WDR19: variants seen among roughly 807,000 people sequenced by gnomAD.
WDR19 encodes the protein WD repeat-containing protein 19.
WDR19 carries 121 observed loss-of-function variants against 180.0 expected under a neutral mutation model. The ratio of observed to expected loss-of-function variants is 0.67; its 90% CI spans 0.58 to 0.78. WDR19 has a LOEUF of 0.78. Among genes scored for constraint, WDR19 ranks in the 30% least tolerant of loss-of-function variants. The probability of loss-of-function intolerance (pLI) is 0.00; values close to 1 mark genes in which losing one functional copy is unlikely to be tolerated. For synonymous variants in WDR19, 497 were observed against 540.7 expected (o/e 0.92, Z 1.12); for missense variants, 1,450 against 1,640.7 (o/e 0.88, Z 2.01).
At chr4:39,197,546 T>C (rs1726892498) in intron 5 of WDR19, among the ~76,000 whole-genome samples, 2 of 152,122 alleles carry the variant, frequency 1.3e-5, no homozygotes, top group African/African-American at 4.8e-5. Context: ...CCAGAATCTA[T>C]ACACTTAACT....
intron 3 of WDR19, among the ~76,000 whole-genome samples, chr4:39,189,424 T>C (rs571804968): frequency 6.6e-6 from 1 of 152,308 alleles, no homozygotes; most frequent in South Asian, 2.1e-4. Context: ...TTTAATGTAG[T>C]ATATGAAAAT....
intron 32 of WDR19, chr4:39,273,821 C>T (rs571609421): frequency 6.6e-6 from 1 of 152,294 alleles, no homozygotes; most frequent in African/African-American, 2.4e-5. Flanking sequence ...CACGGTAGGA[C>T]GTTGCCTCTG....
At chr4:39,215,701 C>T in intron 10 of WDR19, 140 bp from the exon 11 acceptor site, 1 of 830,648 alleles carries the variant, frequency 1.2e-6, no homozygotes, top group African/African-American at 1.8e-5. Flanking sequence ...ATTTCCTAGT[C>T]TAAAAAAAAA....
intron 24 of WDR19, among the ~76,000 whole-genome samples, chr4:39,251,287 G>T (rs2109430332): frequency 6.6e-6 from 1 of 152,292 alleles, no homozygotes; most frequent in African/African-American, 2.4e-5. Context: ...AAATGGTGCT[G>T]GGAAAACTGG....
chr4:39,225,801 T>C lies in WDR19; in HGVS notation c.1629+768T>C, dbSNP rs537649148. 5.9e-5 allele frequency among the ~76,000 whole-genome samples: 9 copies of C among 152,116 alleles called. No homozygotes were observed. The East Asian group carries it at 1.5e-3, about 26-fold the overall frequency. On this transcript the variant is annotated intron_variant, in intron 15 of 36. Transcript: ENST00000399820. ...CTCCCCATGCCCGCCCCTTCTTCCT[T>C]TCCTTTCCTTCCCTTCCCTTTCTCT...
In WDR19 at chr4:39,269,983, C is replaced by T; in HGVS notation, c.3366C>T (p.Tyr1122=). 3.7e-6 allele frequency: 6 copies of T among 1,613,586 alleles called. No homozygotes were observed. The highest frequency in any genetic ancestry group is 5.1e-6 in the Non-Finnish European group (6 of 1,179,694). The change falls in exon 31 of 37, where the codon TAC becomes TAT. Residue 1122 remains tyrosine (Y), a synonymous_variant. Coordinates refer to ENST00000399820, the MANE Select transcript of WDR19 (RefSeq NM_025132.4). ...IAREEQSAGN[Y]RNAHDVLFSM... ...TTACCACCTTTTTTCAAGGCAACTA[C>T]CGGAATGCACACGATGTTCTCTTCA... is the stretch of plus-strand genomic sequence containing the variant.
chr4:39,278,281 C>T (rs573324569), intron 35 of WDR19, 74 bp downstream of exon 35: 37 of 1,380,596 alleles, frequency 2.7e-5, no homozygotes, highest in South Asian at 9.4e-5. Context: ...TCTTTTCTTC[C>T]GAAGCATTCT....
intron 36 of WDR19, among the ~76,000 whole-genome samples, chr4:39,283,521 G>T (rs988663060): frequency 1.3e-5 from 2 of 150,084 alleles, no homozygotes; most frequent in East Asian, 3.9e-4. Flanking sequence ...ATATTTTTTC[G>T]TATTTCATTT....
intron 1 of WDR19, among the ~76,000 whole-genome samples, chr4:39,184,390 C>A (rs990911789): frequency 6.6e-6 from 1 of 151,310 alleles, no homozygotes; most frequent in African/African-American, 2.4e-5. Context: ...AGAGCCTGGG[C>A]GACAGAGCAA....
At position 39,194,535 on chromosome 4, in the gene WDR19, A is replaced by T; in HGVS notation, c.291-9A>T. The T allele has an allele frequency of 6.3e-7, 1 of 1,577,602 alleles. No homozygotes were observed. Among genetic ancestry groups the T allele is most frequent in the Non-Finnish European group, 8.7e-7 (1 of 1,150,538 alleles). On this transcript the variant is annotated splice_polypyrimidine_tract_variant and intron_variant, in intron 4 of 36. Coordinates refer to ENST00000399820, the MANE Select transcript of WDR19 (RefSeq NM_025132.4). ...GAATTGTTTAGTAATTTATATCTTA[A>T]TGTTACAGGGATCAAATGTCTTTCC... is the stretch of plus-strand genomic sequence containing the variant.
chr4:39,257,673 C>A, intron 28 of WDR19, 119 bp downstream of exon 28: 2 of 835,162 alleles, frequency 2.4e-6, no homozygotes, highest in Non-Finnish European at 3.7e-6. Context: ...ACATACCTAT[C>A]GTGTAACTTC....
At chr4:39,253,407 A>T in intron 25 of WDR19, 115 bp downstream of exon 25, 1 of 1,230,868 alleles carries the variant, frequency 8.1e-7, no homozygotes, top group Non-Finnish European at 1.1e-6. Flanking sequence ...TTATTTTTTT[A>T]TCAGGTCTAA....
At chr4:39,245,302 G>T in intron 23 of WDR19, 67 bp from the exon 24 acceptor site, 1 of 1,282,836 alleles carries the variant, frequency 7.8e-7, no homozygotes, top group Non-Finnish European at 1.1e-6. Flanking sequence ...CCTAACATTT[G>T]GTTATAGCAG....
At chr4:39,253,559 C>T (rs1733460995) in intron 25 of WDR19, among the ~76,000 whole-genome samples, 1 of 152,086 alleles carries the variant, frequency 6.6e-6, no homozygotes, top group Non-Finnish European at 1.5e-5. Flanking sequence ...AGGTGGATCA[C>T]CTGAGGTCAG....
intron 21 of WDR19, among the ~76,000 whole-genome samples, chr4:39,243,026 A>C (rs531871394): frequency 4.1e-4 from 63 of 152,304 alleles, no homozygotes; most frequent in Non-Finnish European, 6.8e-4. Flanking sequence ...GCATCACTGC[A>C]CTCCAGCCTA....
At chr4:39,259,258 T>C (rs6842046) in intron 28 of WDR19, among the ~76,000 whole-genome samples, 148,140 of 152,242 alleles carry the variant, frequency 0.97, 72,194 homozygotes, top group Middle Eastern at 1. Flanking sequence ...CCTGTTGACC[T>C]AGCACCATTT....
chr4:39,241,829 G>A (rs1731987740), intron 21 of WDR19, among the ~76,000 whole-genome samples: 1 of 149,584 alleles, frequency 6.7e-6, no homozygotes, highest in African/African-American at 2.5e-5. Flanking sequence ...AAAGAAAAGT[G>A]AGTCCAATAT....
chr4:39,218,383 TAG>T (rs1729300944), intron 14 of WDR19: 1 of 419,512 alleles, frequency 2.4e-6, no homozygotes, highest in Non-Finnish European at 4.3e-6. Context: ...GCCTGTGTGG[TAG>T]AGCCTATTGC....
At chr4:39,276,816 G>A (rs1735946621) in intron 33 of WDR19, 2 of 558,806 alleles carry the variant, frequency 3.6e-6, no homozygotes, top group African/African-American at 3.8e-5. Flanking sequence ...TAACACCCTA[G>A]AACCTAACCA....
Sources: allele counts gnomAD v4.1 joint callset (sites outside exome capture counted in the v4.1 genomes callset), GRCh38; gene constraint gnomAD v4.1.1; transcripts MANE v1.5; gene names NCBI Gene and HGNC (gene_info 2026-07-23, HGNC 2026-07-21).